The following FREM3 variants were observed in gnomAD, a reference collection of about 807,000 sequenced individuals.
FREM3 encodes the protein FRAS1-related extracellular matrix protein 3.
In FREM3, 105 loss-of-function variants were observed where a neutral mutation model predicts 129.1. The ratio of observed to expected loss-of-function variants is 0.81; its 90% confidence interval spans 0.69 to 0.96. The LOEUF (loss-of-function observed/expected upper bound fraction) is 0.96, where lower values mean the gene tolerates loss of function less well. FREM3 is among the 40% of genes least tolerant of loss of function. FREM3 has a pLI of 0.00. For synonymous variants in FREM3, 1,014 were observed against 1,044.9 expected, an observed-to-expected ratio of 0.97 and a Z score of 0.57; for missense variants, 2,593 against 2,666.3, an observed-to-expected ratio of 0.97 and a Z score of 0.61.
chr4:143,642,909 G>T (rs951945884), intron 2 of FREM3, among the ~76,000 whole-genome samples: 4 of 151,922 alleles, frequency 2.6e-5, no homozygotes, highest in African/African-American at 9.7e-5. Context: ...GAACCTAACA[G>T]CAAAAAAACA....
At chr4:143,594,772 TA>T (rs1738437575) in intron 6 of FREM3, among the ~76,000 whole-genome samples, 1 of 152,234 alleles carries the variant, frequency 6.6e-6, no homozygotes, top group Non-Finnish European at 1.5e-5. Flanking sequence ...AAATTCTTTC[TA>T]GATGCTCTAG....
intron 2 of FREM3, among the ~76,000 whole-genome samples, chr4:143,636,868 T>C (rs1474199270): frequency 4.6e-5 from 7 of 152,158 alleles, no homozygotes; most frequent in Admixed American, 4.6e-4. Context: ...GCAGCCACTG[T>C]CAAATGTTAA....
At chr4:143,607,409 C>T (rs867832058) in intron 6 of FREM3, among the ~76,000 whole-genome samples, 13 of 152,262 alleles carry the variant, frequency 8.5e-5, no homozygotes, top group Middle Eastern at 3.4e-3. Flanking sequence ...GAAGGAATCT[C>T]TGCCTTTTCT....
intron 6 of FREM3, among the ~76,000 whole-genome samples, chr4:143,589,399 TC>T (rs1738311053): frequency 6.6e-6 from 1 of 152,190 alleles, no homozygotes; most frequent in South Asian, 2.1e-4. Flanking sequence ...CTTTAATCCA[TC>T]TTGAATTAAT....
intron 1 of FREM3, 87 bp downstream of exon 1, chr4:143,695,404 T>G (rs1460040612): frequency 8.6e-7 from 1 of 1,156,918 alleles, no homozygotes; most frequent in Non-Finnish European, 1.2e-6. Flanking sequence ...TGCAAATGGC[T>G]GAGATCAGGA....
At chr4:143,609,426 A>G (rs1216572533) in intron 6 of FREM3, among the ~76,000 whole-genome samples, 1 of 152,204 alleles carries the variant, frequency 6.6e-6, no homozygotes, top group Non-Finnish European at 1.5e-5. Flanking sequence ...ATGGAAAAGT[A>G]AGCATTGATT....
At chr4:143,589,350 T>C (rs1738308631) in intron 6 of FREM3, among the ~76,000 whole-genome samples, 1 of 152,262 alleles carries the variant, frequency 6.6e-6, no homozygotes, top group African/African-American at 2.4e-5. Flanking sequence ...CCTAGGTTTT[T>C]TTCTAGGGTT....
chr4:143,584,607 G>T (rs978495866), intron 7 of FREM3, among the ~76,000 whole-genome samples: 3 of 152,126 alleles, frequency 2.0e-5, no homozygotes, highest in Non-Finnish European at 4.4e-5. Flanking sequence ...GTGCCCAACA[G>T]AGGAGTATCC....
At chr4:143,599,733 GA>G (rs1424646894) in intron 6 of FREM3, among the ~76,000 whole-genome samples, 1 of 151,994 alleles carries the variant, frequency 6.6e-6, no homozygotes, top group Admixed American at 6.6e-5. Context: ...TCCAGAGCAG[GA>G]AAAATAGAGG....
intron 6 of FREM3, among the ~76,000 whole-genome samples, chr4:143,589,905 CTT>C (rs1738325863): frequency 6.6e-6 from 1 of 152,182 alleles, no homozygotes. Context: ...TTTGTATCCT[CTT>C]TTATTTCCTT....
chr4:143,668,128 G>A (rs1325372733), intron 2 of FREM3, among the ~76,000 whole-genome samples: 1 of 152,126 alleles, frequency 6.6e-6, no homozygotes, highest in African/African-American at 2.4e-5. Context: ...TGAAAGATAA[G>A]GCATAAGTAA....
intron 2 of FREM3, among the ~76,000 whole-genome samples, chr4:143,674,932 CAAT>C (rs1276051423): frequency 6.6e-6 from 1 of 152,168 alleles, no homozygotes; most frequent in Non-Finnish European, 1.5e-5. Flanking sequence ...GACTCCCACA[CAAT>C]AATAATGGGA....
At chr4:143,635,335 A>G (rs1411341253) in intron 2 of FREM3, among the ~76,000 whole-genome samples, 1 of 152,210 alleles carries the variant, frequency 6.6e-6, no homozygotes. Flanking sequence ...TCAAAGCATG[A>G]CACTTTGTTA....
chr4:143,583,231 C>A (rs2149833012), intron 7 of FREM3, among the ~76,000 whole-genome samples: 1 of 152,060 alleles, frequency 6.6e-6, no homozygotes, highest in South Asian at 2.1e-4. Flanking sequence ...CAAAAAGGTT[C>A]TCTGAATGAA....
intron 2 of FREM3, among the ~76,000 whole-genome samples, chr4:143,688,270 C>A (rs1401070085): frequency 1.3e-5 from 2 of 151,876 alleles, no homozygotes; most frequent in African/African-American, 4.8e-5. Flanking sequence ...AAAATAGCTG[C>A]AAAAAATAAA....
chr4:143,667,559 C>T (rs1739886383), intron 2 of FREM3, among the ~76,000 whole-genome samples: 1 of 152,140 alleles, frequency 6.6e-6, no homozygotes, highest in South Asian at 2.1e-4. Flanking sequence ...CTCCCAGTTC[C>T]TTGCCAACTG....
At chr4:143,683,767 GT>G (rs1194013122) in intron 2 of FREM3, among the ~76,000 whole-genome samples, 3 of 152,208 alleles carry the variant, frequency 2.0e-5, no homozygotes, top group Non-Finnish European at 4.4e-5. Flanking sequence ...CCTGGGGCAG[GT>G]TTTCAAGCCT....
intron 2 of FREM3, among the ~76,000 whole-genome samples, chr4:143,670,969 GA>G (rs1189511844): frequency 2.6e-5 from 4 of 152,020 alleles, no homozygotes; most frequent in African/African-American, 9.7e-5. Context: ...AAAAGATAAA[GA>G]GACCAAAGCT....
At chr4:143,645,583 A>G (rs1578848759) in intron 2 of FREM3, among the ~76,000 whole-genome samples, 1 of 152,122 alleles carries the variant, frequency 6.6e-6, no homozygotes, top group African/African-American at 2.4e-5. Context: ...AAACATAGAA[A>G]CCCTGCCTTA....
Sources: gnomAD v4.1 joint callset for allele counts (sites outside exome capture counted in the v4.1 genomes callset) on GRCh38, gnomAD v4.1.1 for gene constraint, MANE v1.5 for transcripts, NCBI Gene and HGNC (gene_info 2026-07-23, HGNC 2026-07-21) for gene names.